The following DLGAP4 variants were observed in gnomAD, a reference collection of about 807,000 sequenced individuals.
DLGAP4 encodes the protein DLG associated protein 4.
A neutral mutation model predicts 86.9 loss-of-function variants in DLGAP4; 18 were observed. That is an observed-to-expected ratio of 0.21 (90% CI 0.14 to 0.31). The LOEUF is 0.31. Among genes scored for constraint, DLGAP4 ranks in the 10% least tolerant of loss-of-function variants. DLGAP4 has a pLI of 1.00. For synonymous variants in DLGAP4, 548 were observed against 574.3 expected (o/e 0.95, Z 0.65); for missense variants, 1,085 against 1,362.6 (o/e 0.80, Z 3.21).
chr20:36,416,440 G>A (rs1179380124), intron 2 of DLGAP4, among the ~76,000 whole-genome samples: 1 of 152,172 alleles, frequency 6.6e-6, no homozygotes, highest in Non-Finnish European at 1.5e-5. Flanking sequence ...ACATTTTTGA[G>A]AATGAAACAG....
chr20:36,346,527 C>T (rs2029945544), intron 1 of DLGAP4, among the ~76,000 whole-genome samples: 1 of 152,162 alleles, frequency 6.6e-6, no homozygotes, highest in Non-Finnish European at 1.5e-5. Flanking sequence ...ACAGAGCCCA[C>T]AAAGTGGTGC....
chr20:36,509,000 C>T (rs1332340341), intron 10 of DLGAP4, among the ~76,000 whole-genome samples: 3 of 152,156 alleles, frequency 2.0e-5, no homozygotes, highest in African/African-American at 7.2e-5. Flanking sequence ...AAATTAAAAC[C>T]AGTTGATTTA....
intron 1 of DLGAP4, among the ~76,000 whole-genome samples, chr20:36,362,790 C>T (rs2030563299): frequency 6.6e-6 from 1 of 152,074 alleles, no homozygotes; most frequent in Non-Finnish European, 1.5e-5. Context: ...CTGAGAAAAA[C>T]AGGAAAGCAG....
At chr20:36,414,808 G>C (rs2032606952) in intron 2 of DLGAP4, among the ~76,000 whole-genome samples, 1 of 152,232 alleles carries the variant, frequency 6.6e-6, no homozygotes, top group South Asian at 2.1e-4. Context: ...CTGGGCACTT[G>C]AAATATGGCA....
At chr20:36,343,024 G>A (rs1329155608) in intron 1 of DLGAP4, among the ~76,000 whole-genome samples, 2 of 152,176 alleles carry the variant, frequency 1.3e-5, no homozygotes, top group African/African-American at 4.8e-5. Flanking sequence ...GAGGGGGAGG[G>A]GAGAGGGAGA....
intron 10 of DLGAP4, among the ~76,000 whole-genome samples, chr20:36,501,064 C>CTTTTTT (rs11480703): frequency 7.2e-6 from 1 of 138,132 alleles, no homozygotes; most frequent in African/African-American, 2.8e-5. Context: ...CCTTCAACAA[C>CTTTTTT]TTTTTTTTTT....
chr20:36,453,224 G>A (rs1015224024), intron 7 of DLGAP4, among the ~76,000 whole-genome samples: 2 of 152,308 alleles, frequency 1.3e-5, no homozygotes, highest in African/African-American at 2.4e-5. Context: ...TCCCAGCACC[G>A]TAGGGAGGAT....
intron 2 of DLGAP4, among the ~76,000 whole-genome samples, chr20:36,394,248 C>A (rs2147469402): frequency 6.6e-6 from 1 of 152,324 alleles, no homozygotes; most frequent in East Asian, 1.9e-4. Flanking sequence ...CGTTATCCGC[C>A]CGTGTGGTTA....
intron 2 of DLGAP4, among the ~76,000 whole-genome samples, chr20:36,422,085 C>T (rs1009744300): frequency 7.9e-5 from 12 of 152,070 alleles, no homozygotes; most frequent in African/African-American, 2.4e-4. Context: ...ACAGCCATGG[C>T]GCAACACAGC....
chr20:36,441,321 C>G (rs1422176202), intron 5 of DLGAP4, among the ~76,000 whole-genome samples: 1 of 152,148 alleles, frequency 6.6e-6, no homozygotes, highest in South Asian at 2.1e-4. Context: ...TCTGCATTTG[C>G]TGTTTCCTCT....
At chr20:36,523,373 G>T (rs2037498683) in intron 10 of DLGAP4, among the ~76,000 whole-genome samples, 1 of 152,108 alleles carries the variant, frequency 6.6e-6, no homozygotes, top group Admixed American at 6.5e-5. Context: ...TCTCGATTAG[G>T]ATATTTATTT....
intron 2 of DLGAP4, among the ~76,000 whole-genome samples, chr20:36,416,249 C>A (rs1156488397): frequency 6.6e-6 from 1 of 152,128 alleles, no homozygotes; most frequent in Non-Finnish European, 1.5e-5. Context: ...AGCCTCCCAA[C>A]TAGCTGGGAT....
rs1317237340 is a variant in DLGAP4, at chr20:36,496,844, G to T, written c.1788G>T (p.Lys596Asn). 6.2e-7 allele frequency: 1 copy of T among 1,614,236 alleles called. No homozygotes were observed. The highest frequency in any genetic ancestry group is 1.1e-5 in the South Asian group (1 of 91,090). The change falls in exon 8 of 13, where the codon AAG becomes AAT. Residue 596 changes from lysine (K) to asparagine (N), a missense_variant. Lys to Asn is a moderately conservative substitution (Grantham distance 94). Coordinates refer to ENST00000339266, the MANE Select transcript of DLGAP4 (RefSeq NM_001365621.2). ...QDTYLDSQDH[K>N]SEVTSQSGLS... is the part of the protein sequence containing the mutation. ...CCTACCTGGACAGCCAGGACCACAA[G>T]AGCGAGGTGACTAGCCAGTCGGGCC...
chr20:36,484,779 G>A (rs748185296), intron 7 of DLGAP4, among the ~76,000 whole-genome samples: 1 of 152,254 alleles, frequency 6.6e-6, no homozygotes, highest in Non-Finnish European at 1.5e-5. Context: ...AAGGAACAAG[G>A]AGGTCTGGGG....
At chr20:36,471,976 T>A (rs1332742223) in intron 7 of DLGAP4, among the ~76,000 whole-genome samples, 1 of 152,116 alleles carries the variant, frequency 6.6e-6, no homozygotes, top group Non-Finnish European at 1.5e-5. Context: ...CTAGAACCTG[T>A]GCAGGCTAAA....
At chr20:36,320,838 A>G (rs532095242) in intron 1 of DLGAP4, among the ~76,000 whole-genome samples, 1 of 152,110 alleles carries the variant, frequency 6.6e-6, no homozygotes, top group East Asian at 1.9e-4. Context: ...ACATCTCTCT[A>G]ACTCTTTACC....
chr20:36,434,055 TG>T (rs1271048206), intron 3 of DLGAP4, among the ~76,000 whole-genome samples: 1 of 151,886 alleles, frequency 6.6e-6, no homozygotes, highest in Non-Finnish European at 1.5e-5. Context: ...GTGATTCTCC[TG>T]CCTCAGCCTC....
At chr20:36,526,114 T>C (rs1244960329) in intron 12 of DLGAP4, 108 bp downstream of exon 12, 17 of 1,531,818 alleles carry the variant, frequency 1.1e-5, no homozygotes, top group Non-Finnish European at 1.4e-5. Context: ...GTGTGTCGTC[T>C]TTGAGCTGGG....
At chr20:36,370,489 A>C (rs1295017645) in intron 2 of DLGAP4, among the ~76,000 whole-genome samples, 1 of 151,942 alleles carries the variant, frequency 6.6e-6, no homozygotes, top group Non-Finnish European at 1.5e-5. Flanking sequence ...CTGTCTCAAA[A>C]AAAAAAGTAT....
Sources: allele counts gnomAD v4.1 joint callset (sites outside exome capture counted in the v4.1 genomes callset), GRCh38; gene constraint gnomAD v4.1.1; transcripts MANE v1.5; gene names NCBI Gene and HGNC (gene_info 2026-07-23, HGNC 2026-07-21).